CCDC61: variants seen among roughly 807,000 people sequenced by gnomAD.
The protein encoded by CCDC61 is coiled-coil domain containing 61.
CCDC61 carries 55 observed loss-of-function variants against 63.0 expected under a neutral mutation model. The ratio of observed to expected loss-of-function variants is 0.87; its 90% CI spans 0.70 to 1.09. The LOEUF (loss-of-function observed/expected upper bound fraction) is 1.09. Among genes scored for constraint, CCDC61 ranks in the 50% least tolerant of loss-of-function variants. The probability of loss-of-function intolerance (pLI) is 0.00; values close to 1 mark genes in which losing one functional copy is unlikely to be tolerated. For missense variants in CCDC61, 651 were observed against 731.4 expected (o/e 0.89, Z 1.27); for synonymous variants, 270 against 317.0 (o/e 0.85, Z 1.58).
intron 1 of CCDC61, chr19:46,000,141 G>T (rs2146452878): frequency 1.2e-6 from 1 of 815,082 alleles, no homozygotes; most frequent in South Asian, 5.6e-5. Context: ...GGTGGGGTCA[G>T]TGGAGAGGAG....
intron 5 of CCDC61, among the ~76,000 whole-genome samples, chr19:46,014,408 G>A (rs959638604): frequency 5.3e-5 from 8 of 152,160 alleles, no homozygotes; most frequent in Non-Finnish European, 8.8e-5. Flanking sequence ...ACCGCACTGT[G>A]TCACAGCAGT....
At chr19:46,008,323 A>C in intron 5 of CCDC61, 22 bp downstream of exon 5, 3 of 625,814 alleles carry the variant, frequency 4.8e-6, no homozygotes, top group South Asian at 1.5e-5. Flanking sequence ...AGGGGTGGGC[A>C]GCTGGGGCGG....
rs564836742 is a variant in CCDC61, at chr19:46,008,471, C to T, written c.551+170C>T. ...TTGCCCAGGCTGGAGTGCAGTGGTG[C>T]GATCTTGGCTCACTGCAGCTTCCTT... On this transcript the variant is annotated intron_variant, in intron 5 of 13. Transcript: ENST00000595358. 1.4e-4 allele frequency among the ~76,000 whole-genome samples: 22 copies of T among 152,186 alleles called. No homozygotes were observed. In the South Asian group the frequency reaches 3.5e-3, roughly 24 times the overall value.
chr19:46,018,544 C>A lies in CCDC61; in HGVS notation c.*157C>A. 1.7e-6 allele frequency: 1 copy of A among 604,392 alleles called. No individual in the cohort carries two copies. The allele number at this position is 604,392 out of a possible 1,614,324, so 37.4% of individuals were successfully genotyped here. ...TCAGGTGTGTGAGGCCCTGACCCTGCCCTCTCCCCAGGCAGTGCATGCTGG... is the reference window on the plus strand; with the variant it reads ...TCAGGTGTGTGAGGCCCTGACCCTGACCTCTCCCCAGGCAGTGCATGCTGG... On this transcript the variant is annotated 3_prime_UTR_variant, in exon 14 of 14. Coordinates refer to ENST00000595358, the MANE Select transcript of CCDC61 (RefSeq NM_001267723.2). This position sits in a 1 kb window ranked among gnomAD's most constrained non-coding sequence, Gnocchi z 4.2.
In CCDC61 at chr19:46,015,182, G is replaced by GAGCTGC. The variant is rs1968902563; in HGVS notation, c.686_691dup (p.Leu230_Arg231insGlnLeu). On this transcript the variant is annotated inframe_insertion, in exon 6 of 14. Transcript: ENST00000595358. The surrounding 1 kb of genome is among the most constrained non-coding windows in gnomAD (Gnocchi z 5.3). ...CGGGCTGGTGCGCGGGCTGGAGCTG[G>GAGCTGC]AGCTGCGGCAGGAGCGCGGCCTCGG... 7.8e-7 allele frequency: 1 copy of GAGCTGC among 1,278,358 alleles called. No individual in the cohort carries two copies. Among genetic ancestry groups the GAGCTGC allele is most frequent in the Non-Finnish European group, 9.8e-7 (1 of 1,017,282 alleles). The allele number at this position is 1,278,358 out of a possible 1,614,324, so 79.2% of individuals were successfully genotyped here.
intron 5 of CCDC61, among the ~76,000 whole-genome samples, chr19:46,010,851 C>A (rs1968814326): frequency 6.6e-6 from 1 of 152,200 alleles, no homozygotes; most frequent in African/African-American, 2.4e-5. Context: ...GTATCTTTAA[C>A]ACATAAGGAT....
rs1250771275 is a variant in CCDC61 at position 46,015,167 on chromosome 19, C to G, written c.670C>G (p.Arg224Gly). 3.2e-6 allele frequency: 4 copies of G among 1,266,466 alleles called. No homozygotes were observed. The highest frequency in any genetic ancestry group is 4.0e-6 in the Non-Finnish European group (4 of 1,010,838). The allele number at this position is 1,266,466 out of a possible 1,614,324, so 78.5% of individuals were successfully genotyped here. A position where few individuals can be genotyped will look rare whatever the true frequency, so the allele number is the denominator to read the frequency against. ...GGCCGAGGCGCTGCGCGGGCTGGTG[C>G]GCGGGCTGGAGCTGGAGCTGCGGCA... is the stretch of plus-strand genomic sequence containing the variant. ...QEAEALRGLV[R>G]GLELELRQER... The change falls in exon 6 of 14, where the codon CGC becomes GGC. Residue 224 changes from arginine (R) to glycine (G), a missense_variant. Physicochemically the swap from Arg to Gly is moderately radical, Grantham distance 125 (BLOSUM62 -2). Transcript: ENST00000595358. This position sits in a 1 kb window ranked among gnomAD's most constrained non-coding sequence, Gnocchi z 5.3.
chr19:45,996,572 G>A (rs1798060951), intron 1 of CCDC61, among the ~76,000 whole-genome samples: 1 of 151,974 alleles, frequency 6.6e-6, no homozygotes, highest in East Asian at 1.9e-4. Flanking sequence ...CTAATTGTTT[G>A]TATTTTTAGT....
Position 46,016,791 on chromosome 19 carries a change from C to T in CCDC61, c.1189C>T (p.Arg397Ter), listed in dbSNP as rs1281238128. Residue 397 changes from arginine to a stop codon, truncating the protein, a stop_gained, in exon 10 of 14, where the codon CGA becomes TGA. Coordinates refer to ENST00000595358, the MANE Select transcript of CCDC61 (RefSeq NM_001267723.2). LOFTEE classifies it high-confidence loss of function. The surrounding 1 kb of genome is among the most constrained non-coding windows in gnomAD (Gnocchi z 7.2). ...CCAGCCCCCTGCTGCCTTGACTGGCCGAGGGGACGCCCCTAACCGCTCCCG... is the reference window on the plus strand; with the variant it reads ...CCAGCCCCCTGCTGCCTTGACTGGCTGAGGGGACGCCCCTAACCGCTCCCG... ...QTQPPAALTG[R>*]GDAPNRSRNR... 4.5e-6 allele frequency: 7 copies of T among 1,544,098 alleles called. No homozygotes were observed. Among genetic ancestry groups the T allele is most frequent in the Non-Finnish European group, 6.1e-6 (7 of 1,144,846 alleles).
chr19:46,004,931 C>T (rs972752826), intron 3 of CCDC61, among the ~76,000 whole-genome samples: 8 of 138,998 alleles, frequency 5.8e-5, no homozygotes, highest in Middle Eastern at 9.4e-3. Context: ...CTCCGCGTCT[C>T]GGGTTCAAGT....
Position 45,999,536 on chromosome 19 carries a change from TG to T in CCDC61, c.-11-3469del, listed in dbSNP as rs1968553008. Among the ~76,000 whole-genome samples, 20 of 151,888 alleles carry T rather than the reference TG, an allele frequency of 1.3e-4. No individual in the cohort carries two copies. In the South Asian group the frequency reaches 4.2e-3, roughly 32 times the overall value. On this transcript the variant is annotated intron_variant, in intron 1 of 13. Coordinates refer to ENST00000595358, the MANE Select transcript of CCDC61 (RefSeq NM_001267723.2). The stretch of plus-strand genomic sequence containing the variant: ...AGTGTGGGGAAACAGCCATCAGGTG[TG>T]GGCTGCCAAGGGCAGTGATTTGCCC...
intron 1 of CCDC61, among the ~76,000 whole-genome samples, chr19:46,002,153 G>T (rs2146456593): frequency 6.6e-6 from 1 of 151,608 alleles, no homozygotes; most frequent in Admixed American, 6.6e-5. Flanking sequence ...ACCATTGTTG[G>T]CCAGGCTGGT....
chr19:46,006,504 C>T, intron 3 of CCDC61, 55 bp from the exon 4 acceptor site: 2 of 1,463,366 alleles, frequency 1.4e-6, no homozygotes, highest in Non-Finnish European at 1.8e-6. Context: ...TGCTAGGTGC[C>T]CTCCGTGTGG....
At position 46,015,251 on chromosome 19, in the gene CCDC61, G is replaced by A. The variant is rs766983408; in HGVS notation, c.754G>A (p.Ala252Thr). ...TCGCGGCCAGGACTGCCGCCGTCTG[G>A]CCAAGGAGGTGAGCAGCGGGGGCCC... Reference protein sequence around the residue: ...GRRGQDCRRLAKELEEAKASE... With the variant: ...GRRGQDCRRLTKELEEAKASE... Residue 252 changes from alanine (A) to threonine (T), a missense_variant, in exon 6 of 14, where the codon GCC becomes ACC. By Grantham distance (58) the Ala-to-Thr change is moderately conservative. Coordinates refer to ENST00000595358, the MANE Select transcript of CCDC61 (RefSeq NM_001267723.2). This position sits in a 1 kb window ranked among gnomAD's most constrained non-coding sequence, Gnocchi z 5.3. 3.2e-5 allele frequency: 47 copies of A among 1,465,596 alleles called. No homozygotes were observed. The African/African-American group carries it at 6.7e-4, about 21-fold the overall frequency. The allele number at this position is 1,465,596 out of a possible 1,614,324, so 90.8% of individuals were successfully genotyped here.
chr19:46,013,597 G>A (rs1445028461), intron 5 of CCDC61, among the ~76,000 whole-genome samples: 4 of 151,922 alleles, frequency 2.6e-5, no homozygotes, highest in Non-Finnish European at 5.9e-5. Flanking sequence ...GGCCGGGTGC[G>A]GTGGCTCACG....
In CCDC61 at chr19:46,018,219, T is replaced by C. The variant is rs2146493439; in HGVS notation, c.1441+69T>C. 1 of 1,547,626 alleles carries C rather than the reference T, an allele frequency of 6.5e-7. No homozygotes were observed. The highest frequency in any genetic ancestry group is 8.8e-7 in the Non-Finnish European group (1 of 1,141,352). On this transcript the variant is annotated intron_variant, in intron 13 of 13. Coordinates refer to ENST00000595358, the MANE Select transcript of CCDC61 (RefSeq NM_001267723.2). The surrounding 1 kb of genome is among the most constrained non-coding windows in gnomAD (Gnocchi z 4.2). ...GTTGGAATGGTAGTGCGGGCAGTGG[T>C]ATATTGGGCCCAGGAACTCCCTGGG...
In CCDC61 at chr19:46,015,903, A is replaced by G. The variant is rs1353079389; in HGVS notation, c.846-151A>G. On this transcript the variant is annotated intron_variant, in intron 7 of 13. Coordinates refer to ENST00000595358, the MANE Select transcript of CCDC61 (RefSeq NM_001267723.2). The surrounding 1 kb of genome is among the most constrained non-coding windows in gnomAD (Gnocchi z 5.3). ...TCCAATTGGGTGAGGTCTGGGGGGG[A>G]AGATATCGAGAGGGTCATGGGCCCA... is the stretch of plus-strand genomic sequence containing the variant. Among the ~76,000 whole-genome samples, 2 of 150,604 alleles carry G rather than the reference A, an allele frequency of 1.3e-5. No individual in the cohort carries two copies. Among genetic ancestry groups the G allele is most frequent in the African/African-American group, 2.4e-5 (1 of 40,828 alleles).
chr19:46,012,187 C>A (rs1384892280), intron 5 of CCDC61, among the ~76,000 whole-genome samples: 1 of 152,244 alleles, frequency 6.6e-6, no homozygotes, highest in Admixed American at 6.5e-5. Context: ...ACCACTTACA[C>A]CTGAATCTCT....
chr19:46,001,419 G>T lies in CCDC61; in HGVS notation c.-11-1589G>T, dbSNP rs1466085206. Reference sequence around the variant, plus strand: ...TTTTTGTATTTTTAGTAGAGACGAGGTTTCACCATGTTGGCGAGGCCGGTC... The same window carrying T: ...TTTTTGTATTTTTAGTAGAGACGAGTTTTCACCATGTTGGCGAGGCCGGTC... On this transcript the variant is annotated intron_variant, in intron 1 of 13. Transcript: ENST00000595358. 2.0e-5 allele frequency among the ~76,000 whole-genome samples: 3 copies of T among 152,218 alleles called. No individual in the cohort carries two copies. In the East Asian group the frequency reaches 5.8e-4, roughly 29 times the overall value.
Sources: allele counts gnomAD v4.1 joint callset (sites outside exome capture counted in the v4.1 genomes callset), GRCh38; gene constraint gnomAD v4.1.1; non-coding constraint Gnocchi (gnomAD v3.1); transcripts MANE v1.5; gene names NCBI Gene and HGNC (gene_info 2026-07-23, HGNC 2026-07-21).